MEGF10: variants seen among roughly 807,000 people sequenced by gnomAD.
The protein encoded by MEGF10 is multiple epidermal growth factor-like domains protein 10.
A neutral mutation model predicts 147.5 loss-of-function variants in MEGF10; 86 were observed. That is an observed-to-expected ratio of 0.58 (90% CI 0.49 to 0.70). MEGF10 has a LOEUF of 0.70. Ranked by LOEUF, MEGF10 falls within the 30% of genes least tolerant of loss-of-function variation. The probability of loss-of-function intolerance (pLI) is 0.00; values close to 1 mark genes in which losing one functional copy is unlikely to be tolerated. For missense variants in MEGF10, 1,329 were observed against 1,487.3 expected (o/e 0.89, Z 1.75); for synonymous variants, 478 against 525.5 (o/e 0.91, Z 1.24).
chr5:127,231,995 C>T, the MEGF10 span, among the ~76,000 whole-genome samples: 1 of 152,154 alleles, frequency 6.6e-6, no homozygotes, highest in Admixed American at 6.5e-5. Context: ...GAGTTTATTA[C>T]ACATAACAGC....
chr5:127,441,204 A>G (rs1313685395), intron 18 of MEGF10, among the ~76,000 whole-genome samples: 5 of 152,184 alleles, frequency 3.3e-5, no homozygotes, highest in African/African-American at 1.2e-4. Flanking sequence ...AGCTTTCTTC[A>G]TGGCAGAGGC....
intron 4 of MEGF10, among the ~76,000 whole-genome samples, chr5:127,348,195 G>T (rs1216781193): frequency 6.6e-6 from 1 of 151,980 alleles, no homozygotes; most frequent in Non-Finnish European, 1.5e-5. Context: ...TGATCCATTT[G>T]CTTATATCCA....
intron 5 of MEGF10, among the ~76,000 whole-genome samples, chr5:127,373,709 A>G (rs1762926784): frequency 1.3e-5 from 2 of 152,228 alleles, no homozygotes; most frequent in African/African-American, 4.8e-5. Flanking sequence ...TTAACTAACT[A>G]TAACAGGAGA....
At chr5:127,273,549 G>A in the MEGF10 span, among the ~76,000 whole-genome samples, 1 of 152,228 alleles carries the variant, frequency 6.6e-6, no homozygotes, top group African/African-American at 2.4e-5. Flanking sequence ...ATATGTTAAA[G>A]ATACAGACTG....
At chr5:127,375,198 A>T (rs905223765) in intron 5 of MEGF10, among the ~76,000 whole-genome samples, 3 of 150,474 alleles carry the variant, frequency 2.0e-5, no homozygotes, top group African/African-American at 7.4e-5. Flanking sequence ...ATGGTAATCA[A>T]TTGATAACTG....
chr5:127,275,651 T>C, the MEGF10 span, among the ~76,000 whole-genome samples: 1 of 152,240 alleles, frequency 6.6e-6, no homozygotes, highest in Admixed American at 6.5e-5. Context: ...CTGGCTAGGA[T>C]GTCACAGAAA....
At chr5:127,248,886 C>A in the MEGF10 span, among the ~76,000 whole-genome samples, 1 of 148,828 alleles carries the variant, frequency 6.7e-6, no homozygotes. Flanking sequence ...AAGTATTCTT[C>A]AAGATTGAAA....
chr5:127,377,030 G>C (rs146844999), intron 5 of MEGF10, among the ~76,000 whole-genome samples: 97 of 152,270 alleles, frequency 6.4e-4, no homozygotes, highest in African/African-American at 2.3e-3. Context: ...TCTGAGAGAC[G>C]TTGAGGGCCC....
the MEGF10 span, among the ~76,000 whole-genome samples, chr5:127,260,061 G>A: frequency 1.3e-5 from 2 of 152,018 alleles, no homozygotes; most frequent in Admixed American, 6.6e-5. Flanking sequence ...GGAGGCTGAG[G>A]CAGGAGAATC....
intron 9 of MEGF10, 94 bp from the exon 10 acceptor site, chr5:127,417,544 A>C: frequency 8.3e-7 from 1 of 1,207,064 alleles, no homozygotes; most frequent in East Asian, 2.3e-5. Context: ...AATTACCCAC[A>C]CATTTAGTGA....
intron 1 of MEGF10, among the ~76,000 whole-genome samples, chr5:127,325,444 C>G (rs1225435479): frequency 1.3e-5 from 2 of 151,964 alleles, no homozygotes; most frequent in Non-Finnish European, 2.9e-5. Context: ...AGAGGATTTT[C>G]CAGAGCTGAT....
chr5:127,374,331 C>G (rs1762948331), intron 5 of MEGF10, among the ~76,000 whole-genome samples: 2 of 152,336 alleles, frequency 1.3e-5, no homozygotes, highest in South Asian at 4.1e-4. Context: ...ATTGAAAATA[C>G]TTAACATTTG....
chr5:127,270,918 G>A, the MEGF10 span, among the ~76,000 whole-genome samples: 1 of 152,198 alleles, frequency 6.6e-6, no homozygotes, highest in Non-Finnish European at 1.5e-5. Flanking sequence ...TTTCATGGCT[G>A]TATAGTATTC....
chr5:127,399,185 T>C (rs1320634438), intron 7 of MEGF10, among the ~76,000 whole-genome samples: 1 of 152,216 alleles, frequency 6.6e-6, no homozygotes, highest in Non-Finnish European at 1.5e-5. Context: ...TTGGGAACAT[T>C]ATTCTTAACA....
the MEGF10 span, among the ~76,000 whole-genome samples, chr5:127,257,304 T>C: frequency 8.0e-6 from 1 of 125,724 alleles, no homozygotes; most frequent in South Asian, 2.7e-4. Flanking sequence ...CATTTCTTTT[T>C]ATTAAAAAAA....
intron 5 of MEGF10, 112 bp from the exon 6 acceptor site, chr5:127,396,420 T>A: frequency 7.8e-7 from 1 of 1,290,244 alleles, no homozygotes; most frequent in Non-Finnish European, 1.0e-6. Context: ...AGGGCCCTGA[T>A]GTCCAGCTAA....
chr5:127,353,459 T>A (rs1225070661), intron 4 of MEGF10, among the ~76,000 whole-genome samples: 1 of 152,218 alleles, frequency 6.6e-6, no homozygotes, highest in Non-Finnish European at 1.5e-5. Flanking sequence ...AGTTGGCAGC[T>A]ACCCTCTGTG....
At chr5:127,281,917 G>A in the MEGF10 span, among the ~76,000 whole-genome samples, 3 of 152,220 alleles carry the variant, frequency 2.0e-5, no homozygotes, top group African/African-American at 7.2e-5. Context: ...GGACAAGATT[G>A]CTTAAGCCCA....
chr5:127,334,119 T>A (rs1284512354), intron 2 of MEGF10, among the ~76,000 whole-genome samples: 3 of 152,058 alleles, frequency 2.0e-5, no homozygotes, highest in Non-Finnish European at 4.4e-5. Flanking sequence ...ATTAAAATGA[T>A]CAAATAAAGG....
Sources: allele counts gnomAD v4.1 joint callset (sites outside exome capture counted in the v4.1 genomes callset), GRCh38; gene constraint gnomAD v4.1.1; transcripts MANE v1.5; gene names NCBI Gene and HGNC (gene_info 2026-07-23, HGNC 2026-07-21).